The following PHEX variants were observed in gnomAD, a reference collection of about 807,000 sequenced individuals.
PHEX encodes phosphate regulating endopeptidase X-linked, also known as phosphate-regulating neutral endopeptidase PHEX.
A neutral mutation model predicts 68.0 loss-of-function variants in PHEX; 16 were observed. That is an observed-to-expected ratio of 0.24 (90% CI 0.16 to 0.36). The LOEUF (loss-of-function observed/expected upper bound fraction) is 0.36. PHEX is among the 10% of genes least tolerant of loss of function. PHEX has a pLI of 1.00. For synonymous variants in PHEX, 208 were observed against 205.1 expected, an observed-to-expected ratio of 1.01 and a Z score of -0.12; for missense variants, 480 against 575.5, an observed-to-expected ratio of 0.83 and a Z score of 1.70.
intron 5 of PHEX, among the ~76,000 whole-genome samples, chrX:22,086,839 A>G (rs1602281805): frequency 8.9e-6 from 1 of 112,074 alleles, no homozygotes; most frequent in Non-Finnish European, 1.9e-5. Flanking sequence ...TTGTAATTGG[A>G]GAAAACATTT....
chrX:22,132,807 T>C (rs1319984836), intron 11 of PHEX, among the ~76,000 whole-genome samples: 2 of 111,959 alleles, frequency 1.8e-5, no homozygotes, highest in African/African-American at 6.5e-5. Flanking sequence ...GGTGAATTCC[T>C]ATCCCTGTAT....
intron 3 of PHEX, among the ~76,000 whole-genome samples, chrX:22,051,627 A>G (rs1450635234): frequency 8.9e-6 from 1 of 112,169 alleles, no homozygotes; most frequent in African/African-American, 3.2e-5. Flanking sequence ...CAAATAGCAC[A>G]AGGAACTTCT....
rs186157405 is a variant in PHEX at position 22,133,445 on chromosome X, G to T, written c.1303-78G>T. On this transcript the variant is annotated intron_variant, in intron 11 of 21. Transcript: ENST00000379374. ...TGTTGAGTAAAGAGTCATTTCTCAT[G>T]CAAGCCAATTTTGTTCCAGAAAACC... 6 of 743,873 alleles carry T rather than the reference G, an allele frequency of 8.1e-6. No homozygotes were observed. The East Asian group carries it at 1.6e-4, about 20-fold the overall frequency. 61.3% of individuals were successfully genotyped at this position (743,873 alleles called of 1,213,427 possible).
chrX:22,195,781 G>T (rs1934348489), intron 15 of PHEX, among the ~76,000 whole-genome samples: 1 of 111,183 alleles, frequency 9.0e-6, no homozygotes, highest in South Asian at 3.8e-4. Flanking sequence ...CCTTTGTTGG[G>T]GGTATTGACT....
At chrX:22,215,942 A>G (rs758888900) in intron 16 of PHEX, among the ~76,000 whole-genome samples, 10 of 111,762 alleles carry the variant, frequency 8.9e-5, no homozygotes, top group Non-Finnish European at 1.7e-4. Context: ...TATTCAGGAG[A>G]TTCAGCAAGT....
intron 15 of PHEX, among the ~76,000 whole-genome samples, chrX:22,199,734 G>A (rs1412718403): frequency 8.9e-6 from 1 of 112,198 alleles, no homozygotes; most frequent in African/African-American, 3.2e-5. Context: ...ATGCCAAAGA[G>A]AAGCTTCCTT....
At chrX:22,205,634 A>C (rs184392500) in intron 15 of PHEX, among the ~76,000 whole-genome samples, 321 of 102,626 alleles carry the variant, frequency 3.1e-3, no homozygotes, top group African/African-American at 0.012. Flanking sequence ...ACACATCAAT[A>C]TTAAAAATTA....
At chrX:22,095,790 C>T (rs1236363281) in intron 7 of PHEX, among the ~76,000 whole-genome samples, 3 of 112,472 alleles carry the variant, frequency 2.7e-5, no homozygotes. Flanking sequence ...ATATCTTACA[C>T]TACACATCAC....
intron 12 of PHEX, among the ~76,000 whole-genome samples, chrX:22,148,211 CAT>C (rs905241878): frequency 1.8e-5 from 2 of 111,194 alleles, no homozygotes; most frequent in Non-Finnish European, 3.8e-5. Flanking sequence ...CTTCTTCACA[CAT>C]GTGTCTGGCA....
intron 12 of PHEX, among the ~76,000 whole-genome samples, chrX:22,137,979 T>A (rs1428073152): frequency 8.9e-6 from 1 of 112,357 alleles, no homozygotes; most frequent in African/African-American, 3.2e-5. Flanking sequence ...CGCTCCCTCA[T>A]CCCTCTAGTG....
In PHEX at chrX:22,122,661, A is replaced by G. The variant is rs141325440; in HGVS notation, c.1302+8075A>G. ...GACAATAAGCAGTTACTGCTGATGC[A>G]TCTGGAGTCAGTGGTGGGCCCCCAT... is the stretch of plus-strand genomic sequence containing the variant. On this transcript the variant is annotated intron_variant, in intron 11 of 21. Transcript: ENST00000379374. Among the ~76,000 whole-genome samples the G allele has an allele frequency of 8.2e-3, 921 of 112,001 alleles. 5 individuals carry two copies. Among genetic ancestry groups the G allele is most frequent in the African/African-American group, 0.028 (876 of 30,815 alleles).
At chrX:22,119,143 G>A (rs2147070650) in intron 11 of PHEX, among the ~76,000 whole-genome samples, 1 of 111,044 alleles carries the variant, frequency 9.0e-6, no homozygotes, top group South Asian at 3.9e-4. Flanking sequence ...TGCCACCTCC[G>A]CCTCCCTGTG....
chrX:22,234,155 C>T (rs1220562411), intron 20 of PHEX, among the ~76,000 whole-genome samples: 1 of 113,061 alleles, frequency 8.8e-6, no homozygotes, highest in South Asian at 3.6e-4. Context: ...CTGTTCTTCC[C>T]TCCGGAAGCT....
At position 22,196,034 on chromosome X, in the gene PHEX, C is replaced by T. The variant is rs994053621; in HGVS notation, c.1645+5532C>T. 3.6e-5 allele frequency among the ~76,000 whole-genome samples: 4 copies of T among 111,324 alleles called. No homozygotes were observed. In the Admixed American group the frequency reaches 3.8e-4, roughly 11 times the overall value. ...TCTACAAAAAACAACAAAAAATTAG[C>T]CAGGTGTGGTGGCATGCACTTGTAG... On this transcript the variant is annotated intron_variant, in intron 15 of 21. Transcript: ENST00000379374.
At chrX:22,224,947 A>AATTATCATACAGCGCTGTCTGATTT (rs1935401090) in intron 18 of PHEX, among the ~76,000 whole-genome samples, 2 of 23,252 alleles carry the variant, frequency 8.6e-5, no homozygotes, top group Non-Finnish European at 1.6e-4. Context: ...AAATAACATA[A>AATTATCATACAGCGCTGTCTGATTT]ATTATCATAC....
At chrX:22,094,810 A>T (rs185029981) in intron 7 of PHEX, among the ~76,000 whole-genome samples, 36 of 112,307 alleles carry the variant, frequency 3.2e-4, no homozygotes, top group Non-Finnish European at 3.8e-5. Flanking sequence ...TTGTGGGCAA[A>T]ATAATGAGAA....
At chrX:22,152,261 A>G (rs1240002329) in intron 12 of PHEX, among the ~76,000 whole-genome samples, 2 of 111,721 alleles carry the variant, frequency 1.8e-5, no homozygotes, top group Non-Finnish European at 3.8e-5. Context: ...TACCTTGTAC[A>G]GTTAGGGTAG....
rs184237410 is a variant in PHEX at position 22,148,589 on chromosome X, G to C, written c.1404+14965G>C. Among the ~76,000 whole-genome samples, 9 of 110,972 alleles carry C rather than the reference G, an allele frequency of 8.1e-5. No individual in the cohort carries two copies. In the East Asian group the frequency reaches 2.5e-3, roughly 31 times the overall value. On this transcript the variant is annotated intron_variant, in intron 12 of 21. Transcript: ENST00000379374. The stretch of plus-strand genomic sequence containing the variant: ...TTGGTTACTAAAACTTATTCTTCCA[G>C]TCTAATTGAAATTTTGTGCCCTTTA...
In PHEX at chrX:22,058,074, C is replaced by T. The variant is rs776800407; in HGVS notation, c.349+10863C>T. Among the ~76,000 whole-genome samples the T allele has an allele frequency of 1.6e-4, 18 of 111,548 alleles. No individual in the cohort carries two copies. In the South Asian group the frequency reaches 1.9e-3, roughly 12 times the overall value. ...GGGCCTCAGGAAGGCAGGACAGGGA[C>T]GTGGGCAATGAGACAGGCCTGGGCC... On this transcript the variant is annotated intron_variant, in intron 3 of 21. Transcript: ENST00000379374.
Sources: allele counts gnomAD v4.1 joint callset (sites outside exome capture counted in the v4.1 genomes callset), GRCh38; gene constraint gnomAD v4.1.1; transcripts MANE v1.5; gene names NCBI Gene and HGNC (gene_info 2026-07-23, HGNC 2026-07-21).